Variants in GALK2 observed in about 807,000 individuals in gnomAD.
GALK2 encodes N-acetylgalactosamine kinase.
GALK2 carries 36 observed loss-of-function variants against 52.4 expected under a neutral mutation model. The ratio of observed to expected loss-of-function variants is 0.69; its 90% CI spans 0.53 to 0.91. The LOEUF is 0.91. Ranked by LOEUF, GALK2 falls within the 40% of genes least tolerant of loss-of-function variation. GALK2 has a pLI of 0.00. For synonymous variants in GALK2, 176 were observed against 199.1 expected (o/e 0.88, Z 0.98); for missense variants, 579 against 559.1 (o/e 1.04, Z -0.36).
intron 8 of GALK2, among the ~76,000 whole-genome samples, chr15:49,299,893 A>G (rs73394355): frequency 0.19 from 28,026 of 151,148 alleles, 2,766 homozygotes; most frequent in Non-Finnish European, 0.21. Flanking sequence ...AATACGTGCC[A>G]TGTGCAGATG....
intron 7 of GALK2, among the ~76,000 whole-genome samples, chr15:49,290,883 G>C (rs756256971): frequency 6.6e-6 from 1 of 152,180 alleles, no homozygotes; most frequent in Non-Finnish European, 1.5e-5. Flanking sequence ...CCTAGGGGCA[G>C]CAAGAAAGAG....
intron 4 of GALK2, among the ~76,000 whole-genome samples, chr15:49,237,537 C>T (rs538552648): frequency 7.9e-5 from 12 of 152,062 alleles, no homozygotes; most frequent in East Asian, 3.9e-4. Context: ...AGTGTAGTGG[C>T]GTGATCTCGG....
At chr15:49,162,300 G>T (rs2084679943) in intron 1 of GALK2, among the ~76,000 whole-genome samples, 1 of 152,104 alleles carries the variant, frequency 6.6e-6, no homozygotes, top group South Asian at 2.1e-4. Flanking sequence ...ATTTGTCCAG[G>T]TTGTTGCATG....
At chr15:49,333,938 CTGT>C (rs750474436), downstream of GALK2, among the ~76,000 whole-genome samples, 2 of 151,720 alleles carry the variant, frequency 1.3e-5, no homozygotes, top group Non-Finnish European at 2.9e-5. Context: ...CCAGCTAAAT[CTGT>C]TGTTTTTCTA....
chr15:49,366,837 A>C (rs1012404926), intron 3 of GALK2, among the ~76,000 whole-genome samples: 6 of 152,028 alleles, frequency 3.9e-5, no homozygotes, highest in Non-Finnish European at 8.8e-5. Context: ...CCCACACTCT[A>C]ATTTAGTGGC....
At chr15:49,217,775 A>G (rs1287828663) in intron 3 of GALK2, among the ~76,000 whole-genome samples, 2 of 152,168 alleles carry the variant, frequency 1.3e-5, no homozygotes, top group Non-Finnish European at 2.9e-5. Context: ...TCTCTTCTTC[A>G]ATGCCCTAGC....
intron 5 of GALK2, among the ~76,000 whole-genome samples, chr15:49,258,463 A>G (rs1243401633): frequency 6.6e-6 from 1 of 152,128 alleles, no homozygotes; most frequent in Non-Finnish European, 1.5e-5. Context: ...GTGGTGGGAT[A>G]TTGATGCACT....
chr15:49,237,767 G>A (rs773471142), intron 4 of GALK2, among the ~76,000 whole-genome samples: 10 of 152,042 alleles, frequency 6.6e-5, no homozygotes, highest in Non-Finnish European at 8.8e-5. Context: ...GAGCCACTGC[G>A]CCCGGCTGAT....
chr15:49,155,795 A>T, exon 1 of GALK2: 1 of 687,856 alleles, frequency 1.5e-6, no homozygotes, highest in Non-Finnish European at 2.5e-6. Flanking sequence ...TGCCTTAGCA[A>T]CTAAAGCTGG....
At chr15:49,305,060 A>T (rs1476630134) in intron 8 of GALK2, among the ~76,000 whole-genome samples, 1 of 152,170 alleles carries the variant, frequency 6.6e-6, no homozygotes, top group Non-Finnish European at 1.5e-5. Flanking sequence ...CAATTTCTGT[A>T]GTCCTTTTTC....
At chr15:49,303,524 C>T (rs1300149319) in intron 8 of GALK2, among the ~76,000 whole-genome samples, 1 of 152,178 alleles carries the variant, frequency 6.6e-6, no homozygotes, top group African/African-American at 2.4e-5. Context: ...ACTGCCGTGG[C>T]ACCAGCTGCT....
At chr15:49,258,757 G>C (rs2091924714) in intron 5 of GALK2, among the ~76,000 whole-genome samples, 1 of 149,218 alleles carries the variant, frequency 6.7e-6, no homozygotes, top group Non-Finnish European at 1.5e-5. Context: ...TATATCCCCA[G>C]AAGCACATTT....
chr15:49,332,087 C>CCACACACACACACACA (rs377139081), downstream of GALK2, among the ~76,000 whole-genome samples: 5 of 127,854 alleles, frequency 3.9e-5, no homozygotes, highest in African/African-American at 1.3e-4. Context: ...TGCACACGTG[C>CCACACACACACACACA]CACACACACA....
intron 3 of GALK2, among the ~76,000 whole-genome samples, chr15:49,355,130 A>T (rs1177037235): frequency 6.6e-6 from 1 of 151,534 alleles, no homozygotes; most frequent in Admixed American, 6.6e-5. Flanking sequence ...TAAAACCACA[A>T]AGATGGGGAA....
chr15:49,170,362 G>A lies in GALK2; in HGVS notation c.40G>A (p.Ala14Thr). ...ESPATRRVQV[A>T]EHPRLLKLKE... ...CCCTGCTACGCGTCGGGTCCAGGTG[G>A]CAGAACATCCTAGGTGGGGGAGAGG... The change falls in exon 1 of 10, where the codon GCA (alanine) becomes ACA (threonine). Residue 14 changes from alanine to threonine, a missense_variant. Transcript: ENST00000560031. 2 of 1,592,294 alleles carry A rather than the reference G, an allele frequency of 1.3e-6. No homozygotes were observed. The highest frequency in any genetic ancestry group is 1.7e-6 in the Non-Finnish European group (2 of 1,169,706).
rs2141374906 is a variant in GALK2 at position 49,215,646 on chromosome 15, C to CT, written c.143-1541dup. On this transcript the variant is annotated intron_variant, in intron 2 of 9. Transcript: ENST00000560031. ...ATAATGAATTTCTTCCCTGTGTTAT[C>CT]TTTAAGTTTGTTGAGCTTCCTCAAG... Among the ~76,000 whole-genome samples, 2 of 152,312 alleles carry CT rather than the reference C, an allele frequency of 1.3e-5. 1 individual carries two copies. The highest frequency in any genetic ancestry group is 4.1e-4 in the South Asian group (2 of 4,824).
Position 49,160,368 on chromosome 15 carries a change from G to A in GALK2, c.20+4352G>A, listed in dbSNP as rs146802787. The stretch of plus-strand genomic sequence containing the variant: ...ATATTAAATGTATAACTTAGAATTG[G>A]AAGAGCCTTTAATGATATCACTTTA... On this transcript the variant is annotated intron_variant, in intron 1 of 9. Coordinates refer to the GALK2 transcript ENST00000327171. Among the ~76,000 whole-genome samples, 963 of 152,246 alleles carry A rather than the reference G, an allele frequency of 6.3e-3. 15 individuals carry two copies. Among genetic ancestry groups the A allele is most frequent in the African/African-American group, 0.022 (907 of 41,536 alleles).
chr15:49,171,766 A>G (rs1474308695), intron 1 of GALK2, among the ~76,000 whole-genome samples: 1 of 140,218 alleles, frequency 7.1e-6, no homozygotes, highest in Non-Finnish European at 1.5e-5. Context: ...GATCTCTTGT[A>G]GTTTAGTCTT....
intron 1 of GALK2, among the ~76,000 whole-genome samples, chr15:49,164,641 C>G (rs183193210): frequency 1.7e-3 from 259 of 151,672 alleles, no homozygotes; most frequent in African/African-American, 5.9e-3. Context: ...ATTAGCCGAG[C>G]GTGGTGGCGC....
Sources: gnomAD v4.1 joint callset for allele counts (sites outside exome capture counted in the v4.1 genomes callset) on GRCh38, gnomAD v4.1.1 for gene constraint, MANE v1.5 for transcripts, NCBI Gene and HGNC (gene_info 2026-07-23, HGNC 2026-07-21) for gene names.